STK38L: variants seen among roughly 807,000 people sequenced by gnomAD.
The protein encoded by STK38L is serine/threonine-protein kinase 38-like.
A neutral mutation model predicts 59.7 loss-of-function variants in STK38L; 28 were observed. The observed-to-expected ratio is 0.47, with a 90% CI of 0.35 to 0.64. The LOEUF (loss-of-function observed/expected upper bound fraction) is 0.64. STK38L is among the 30% of genes least tolerant of loss of function. The probability of loss-of-function intolerance (pLI) is 0.01; values close to 1 mark genes in which losing one functional copy is unlikely to be tolerated. For synonymous variants in STK38L, 162 were observed against 176.8 expected (o/e 0.92, Z 0.66); for missense variants, 314 against 555.8 (o/e 0.56, Z 4.37).
At chr12:27,247,708 C>G (rs1428425768) in intron 1 of STK38L, among the ~76,000 whole-genome samples, 3 of 151,878 alleles carry the variant, frequency 2.0e-5, no homozygotes, top group Non-Finnish European at 4.4e-5. Context: ...AAGAACCTCA[C>G]TGTCTTGCCC....
At chr12:27,273,687 A>G (rs1487676459) in intron 1 of STK38L, among the ~76,000 whole-genome samples, 4 of 150,956 alleles carry the variant, frequency 2.6e-5, no homozygotes, top group Admixed American at 6.6e-5. Flanking sequence ...GTTTGGTACT[A>G]TAGCCTCACT....
intron 6 of STK38L, among the ~76,000 whole-genome samples, chr12:27,313,061 A>G (rs1331128996): frequency 6.6e-6 from 1 of 152,116 alleles, no homozygotes; most frequent in African/African-American, 2.4e-5. Context: ...ATCCTGGCTA[A>G]CAAGGTGAAA....
intron 1 of STK38L, among the ~76,000 whole-genome samples, chr12:27,258,975 C>T (rs977393099): frequency 3.8e-4 from 58 of 152,328 alleles, no homozygotes; most frequent in African/African-American, 1.3e-3. Context: ...CTCTCTTCCT[C>T]TCAGAAAGAA....
chr12:27,246,096 C>T (rs2136596432), intron 1 of STK38L, among the ~76,000 whole-genome samples: 1 of 152,254 alleles, frequency 6.6e-6, no homozygotes, highest in South Asian at 2.1e-4. Context: ...AATAGATGTC[C>T]TTGTTAGTTT....
intron 1 of STK38L, among the ~76,000 whole-genome samples, chr12:27,273,359 A>G (rs1003021792): frequency 6.6e-6 from 1 of 152,124 alleles, no homozygotes; most frequent in Non-Finnish European, 1.5e-5. Flanking sequence ...GGAGAGCAGT[A>G]CTGAATAGTG....
chr12:27,294,465 C>G (rs1943964635), intron 1 of STK38L, among the ~76,000 whole-genome samples: 1 of 149,282 alleles, frequency 6.7e-6, no homozygotes, highest in Non-Finnish European at 1.5e-5. Context: ...CGAGATCACG[C>G]CACTGCATTC....
chr12:27,302,992 G>A (rs188228495), intron 3 of STK38L, among the ~76,000 whole-genome samples: 5 of 142,242 alleles, frequency 3.5e-5, no homozygotes, highest in South Asian at 2.3e-4. Context: ...CAGCCTGGGC[G>A]ACAGAGCAAG....
rs1189674005 is a variant in STK38L, at chr12:27,308,917, T to TAAATATATATA, written c.310-197_310-196insAAATATATATA. ...ATATATAAATATATATAAATATATA[T>TAAATATATATA]TAATATATATAAAATATATATAAAT... is the stretch of plus-strand genomic sequence containing the variant. On this transcript the variant is annotated intron_variant, in intron 4 of 13. Transcript: ENST00000389032. This position sits in a 1 kb window ranked among gnomAD's most constrained non-coding sequence, Gnocchi z 4.5. 3.0e-4 allele frequency among the ~76,000 whole-genome samples: 43 copies of TAAATATATATA among 144,966 alleles called. 1 individual carries two copies. Among genetic ancestry groups the TAAATATATATA allele is most frequent in the African/African-American group, 9.9e-4 (39 of 39,508 alleles).
chr12:27,245,443 A>G (rs1240128692), intron 1 of STK38L, among the ~76,000 whole-genome samples: 1 of 152,200 alleles, frequency 6.6e-6, no homozygotes, highest in Non-Finnish European at 1.5e-5. Flanking sequence ...GCTGGGGCTT[A>G]CGTTTGACCG....
At chr12:27,302,039 C>A in intron 2 of STK38L, 98 bp from the exon 3 acceptor site, 4 of 835,952 alleles carry the variant, frequency 4.8e-6, no homozygotes, top group Admixed American at 3.3e-5. Context: ...TTTAGCCTAG[C>A]AAGCTGAAGT....
chr12:27,276,967 CT>C (rs1943550035), intron 1 of STK38L, among the ~76,000 whole-genome samples: 1 of 152,134 alleles, frequency 6.6e-6, no homozygotes, highest in Non-Finnish European at 1.5e-5. Flanking sequence ...CATGTATAAC[CT>C]TACATTGAAT....
intron 1 of STK38L, among the ~76,000 whole-genome samples, chr12:27,254,822 A>AT (rs1943056078): frequency 6.6e-6 from 1 of 152,176 alleles, no homozygotes; most frequent in Non-Finnish European, 1.5e-5. Flanking sequence ...GAAAAAGTAC[A>AT]TATGGTTAAA....
rs1944777214 is a variant in STK38L, at chr12:27,323,469, T to C, written c.*1014T>C. The stretch of plus-strand genomic sequence containing the variant: ...TTACATATCATGGCTGGTTAACTTT[T>C]ATTTCTTTTGATGAAAATTTTTCCT... On this transcript the variant is annotated 3_prime_UTR_variant, in exon 14 of 14. Transcript: ENST00000389032. The C allele has an allele frequency of 6.6e-6, 1 of 152,636 alleles. No homozygotes were observed. The highest frequency in any genetic ancestry group is 1.5e-5 in the Non-Finnish European group (1 of 67,994). The allele number at this position is 152,636 out of a possible 1,614,324, so 9.5% of individuals were successfully genotyped here.
At chr12:27,270,394 A>G (rs1240164367) in intron 1 of STK38L, among the ~76,000 whole-genome samples, 3 of 151,472 alleles carry the variant, frequency 2.0e-5, no homozygotes, top group Admixed American at 6.6e-5. Context: ...TTATTTATTT[A>G]TTTATTTTGA....
chr12:27,267,893 A>G (rs968819044), intron 1 of STK38L, among the ~76,000 whole-genome samples: 1 of 151,956 alleles, frequency 6.6e-6, no homozygotes, highest in Non-Finnish European at 1.5e-5. Context: ...TGAAATTCCT[A>G]TTCGGGTTTT....
chr12:27,316,682 T>C (rs1944592880), intron 9 of STK38L, among the ~76,000 whole-genome samples: 1 of 152,214 alleles, frequency 6.6e-6, no homozygotes, highest in Admixed American at 6.5e-5. Context: ...TTTTGTAAGA[T>C]TTTATATGAA....
intron 1 of STK38L, among the ~76,000 whole-genome samples, chr12:27,293,041 T>G (rs1365770521): frequency 1.3e-5 from 2 of 152,216 alleles, no homozygotes; most frequent in Admixed American, 6.5e-5. Flanking sequence ...AGCCTTGAAC[T>G]CCCAGGCTCA....
chr12:27,259,519 T>C (rs781244151), intron 1 of STK38L, among the ~76,000 whole-genome samples: 1 of 152,176 alleles, frequency 6.6e-6, no homozygotes, highest in Admixed American at 6.5e-5. Flanking sequence ...AGTTCTCTTT[T>C]ATAAAATAGG....
Position 27,316,529 on chromosome 12 carries a change from G to A in STK38L, c.838-807G>A, listed in dbSNP as rs1944588156. Among the ~76,000 whole-genome samples the A allele has an allele frequency of 2.6e-5, 4 of 152,140 alleles. No individual in the cohort carries two copies. The South Asian group carries it at 8.3e-4, about 31-fold the overall frequency. ...AAGTAGAGAGGACTCAGTGTTTGGGGCAGGAAATTTCTTTAGCACCTGGAT... is the reference window on the plus strand; with the variant it reads ...AAGTAGAGAGGACTCAGTGTTTGGGACAGGAAATTTCTTTAGCACCTGGAT... On this transcript the variant is annotated intron_variant, in intron 9 of 13. Coordinates refer to ENST00000389032, the MANE Select transcript of STK38L (RefSeq NM_015000.4).
Sources: allele counts gnomAD v4.1 joint callset (sites outside exome capture counted in the v4.1 genomes callset), GRCh38; gene constraint gnomAD v4.1.1; non-coding constraint Gnocchi (gnomAD v3.1); transcripts MANE v1.5; gene names NCBI Gene and HGNC (gene_info 2026-07-23, HGNC 2026-07-21).